Variants in ITSN1 observed in about 807,000 individuals in gnomAD.
The protein encoded by ITSN1 is intersectin-1.
A neutral mutation model predicts 239.8 loss-of-function variants in ITSN1; 58 were observed. The observed-to-expected ratio is 0.24, with a 90% CI of 0.20 to 0.30. The LOEUF (loss-of-function observed/expected upper bound fraction) is 0.30, where lower values mean the gene tolerates loss of function less well. Among genes scored for constraint, ITSN1 ranks in the 10% least tolerant of loss-of-function variants. The pLI is 1.00. For missense variants in ITSN1, 1,558 were observed against 2,103.3 expected (o/e 0.74, Z 5.07); for synonymous variants, 780 against 770.8 (o/e 1.01, Z -0.20).
intron 14 of ITSN1, among the ~76,000 whole-genome samples, chr21:33,778,928 C>G (rs1382702442): frequency 1.3e-5 from 2 of 152,096 alleles, no homozygotes; most frequent in Non-Finnish European, 2.9e-5. Context: ...AGTGATGTCT[C>G]TTCTTTCTTT....
At chr21:33,724,058 G>T (rs1195905395) in intron 4 of ITSN1, among the ~76,000 whole-genome samples, 3 of 151,742 alleles carry the variant, frequency 2.0e-5, no homozygotes, top group Non-Finnish European at 4.4e-5. Context: ...TAACTGTCCT[G>T]AAATAGCAAA....
rs1986968919 is a variant in ITSN1, at chr21:33,899,378, G to GC, written c.*11082dup. ...CCTGCCCAGGGGTAGGACCAGGCCC[G>GC]CCCCTTGATGGATGTGCTGTTGATT... On this transcript the variant is annotated 3_prime_UTR_variant, in exon 40 of 40. Transcript: ENST00000381318. 1 of 152,200 alleles carries GC rather than the reference G, an allele frequency of 6.6e-6. No individual in the cohort carries two copies. The highest frequency in any genetic ancestry group is 2.1e-4 in the South Asian group (1 of 4,830). 9.4% of individuals were successfully genotyped at this position (152,200 alleles called of 1,614,324 possible). A position where few individuals can be genotyped will look rare whatever the true frequency, so the allele number is the denominator to read the frequency against.
intron 1 of ITSN1, among the ~76,000 whole-genome samples, chr21:33,659,447 A>G (rs1463351721): frequency 1.3e-5 from 2 of 152,136 alleles, no homozygotes; most frequent in African/African-American, 2.4e-5. Flanking sequence ...CTGGCATCTG[A>G]AGTGGGGAAG....
intron 34 of ITSN1, among the ~76,000 whole-genome samples, chr21:33,879,038 C>T (rs757285553): frequency 2.0e-4 from 31 of 152,036 alleles, no homozygotes; most frequent in Non-Finnish European, 3.5e-4. Context: ...TGCTTGACTG[C>T]GTGTTGCAGG....
chr21:33,699,145 T>C (rs189632800), intron 1 of ITSN1, among the ~76,000 whole-genome samples: 1 of 152,256 alleles, frequency 6.6e-6, no homozygotes, highest in East Asian at 1.9e-4. Context: ...ATTTAAAATA[T>C]ACACATTTTT....
At chr21:33,787,600 C>G (rs186079078) in intron 16 of ITSN1, among the ~76,000 whole-genome samples, 11 of 152,064 alleles carry the variant, frequency 7.2e-5, no homozygotes, top group Admixed American at 5.2e-4. Context: ...GAGGCTCATT[C>G]ATTATGAAGG....
chr21:33,682,501 C>T (rs2091021665), intron 1 of ITSN1, among the ~76,000 whole-genome samples: 1 of 152,030 alleles, frequency 6.6e-6, no homozygotes, highest in African/African-American at 2.4e-5. Flanking sequence ...AGGCATGAGC[C>T]ACATAGTGCC....
At chr21:33,810,944 G>A (rs1294386065) in intron 20 of ITSN1, 31 bp from the exon 21 acceptor site, 2 of 1,613,970 alleles carry the variant, frequency 1.2e-6, no homozygotes, top group Non-Finnish European at 8.5e-7. Context: ...GGTTAATTTA[G>A]TTCTACTTAA....
intron 5 of ITSN1, among the ~76,000 whole-genome samples, chr21:33,744,689 A>G (rs1004602134): frequency 6.6e-6 from 1 of 152,352 alleles, no homozygotes; most frequent in South Asian, 2.1e-4. Flanking sequence ...TTATCAAAGC[A>G]TAGTAGGAGG....
At chr21:33,771,914 T>C (rs2069193900) in intron 11 of ITSN1, 147 bp from the exon 12 acceptor site, 5 of 805,966 alleles carry the variant, frequency 6.2e-6, no homozygotes, top group Non-Finnish European at 7.8e-6. Flanking sequence ...GGGGTTTTCG[T>C]TGTGCTCATT....
At chr21:33,697,434 C>T (rs2146755925) in intron 1 of ITSN1, among the ~76,000 whole-genome samples, 1 of 152,032 alleles carries the variant, frequency 6.6e-6, no homozygotes, top group East Asian at 1.9e-4. Context: ...CAGATGACAA[C>T]ATTTTGTTTT....
At chr21:33,651,781 T>TC (rs1231897702) in intron 1 of ITSN1, among the ~76,000 whole-genome samples, 2 of 152,216 alleles carry the variant, frequency 1.3e-5, no homozygotes, top group African/African-American at 4.8e-5. Flanking sequence ...AATGCTGCTG[T>TC]TGTCTGTCCA....
intron 28 of ITSN1, among the ~76,000 whole-genome samples, chr21:33,835,932 A>G (rs989998392): frequency 3.3e-5 from 5 of 152,354 alleles, no homozygotes; most frequent in African/African-American, 1.2e-4. Context: ...CTCTGTCTCA[A>G]ATAAATAAAT....
At chr21:33,881,857 G>A (rs546967975) in intron 34 of ITSN1, among the ~76,000 whole-genome samples, 2 of 148,316 alleles carry the variant, frequency 1.3e-5, no homozygotes, top group African/African-American at 5.0e-5. Flanking sequence ...TGAGATGGGA[G>A]AATTGCTTGA....
rs73199893 is a variant in ITSN1 at position 33,822,649 on chromosome 21, C to A, written c.3017-838C>A. ...TACATCTAATTAAAAAGGAAAGTTTCTTCTGTAATGCACACCCTTCAAATT... is the reference window on the plus strand; with the variant it reads ...TACATCTAATTAAAAAGGAAAGTTTATTCTGTAATGCACACCCTTCAAATT... On this transcript the variant is annotated intron_variant, in intron 24 of 39. Coordinates refer to ENST00000381318, the MANE Select transcript of ITSN1 (RefSeq NM_003024.3). Among the ~76,000 whole-genome samples, 489 of 152,262 alleles carry A rather than the reference C, an allele frequency of 3.2e-3. 3 individuals are homozygous for A. The highest frequency in any genetic ancestry group is 3.4e-3 in the Middle Eastern group (1 of 294).
At chr21:33,875,669 T>A (rs1250338882) in intron 34 of ITSN1, 148 bp downstream of exon 34, 1 of 703,982 alleles carries the variant, frequency 1.4e-6, no homozygotes, top group East Asian at 2.7e-5. Context: ...TGCTGTTTCA[T>A]CCACCCACTG....
chr21:33,805,740 C>T (rs1411154996), intron 20 of ITSN1, among the ~76,000 whole-genome samples: 1 of 151,534 alleles, frequency 6.6e-6, no homozygotes, highest in Admixed American at 6.6e-5. Flanking sequence ...GGCGCGATCT[C>T]GGTTCCCTGC....
intron 31 of ITSN1, among the ~76,000 whole-genome samples, chr21:33,862,276 C>T (rs2834283): frequency 0.25 from 36,904 of 149,566 alleles, 5,473 homozygotes; most frequent in East Asian, 0.44. Context: ...CCTGTCCCCT[C>T]GATGGAAAAA....
chr21:33,813,905 C>G lies in ITSN1; in HGVS notation c.2568-8C>G, dbSNP rs2148218024. The G allele has an allele frequency of 6.2e-7, 1 of 1,607,806 alleles. No individual in the cohort carries two copies. Among genetic ancestry groups the G allele is most frequent in the South Asian group, 1.1e-5 (1 of 90,730 alleles). ...TTGTTATTCATGGTGTTGTGCTTTTCCCTCCAGGTGGCCCACCAGCACGAA... is the reference window on the plus strand; with the variant it reads ...TTGTTATTCATGGTGTTGTGCTTTTGCCTCCAGGTGGCCCACCAGCACGAA... On this transcript the variant is annotated splice_polypyrimidine_tract_variant and splice_region_variant and intron_variant, in intron 21 of 39. Transcript: ENST00000381318.
Sources: allele counts gnomAD v4.1 joint callset (sites outside exome capture counted in the v4.1 genomes callset), GRCh38; gene constraint gnomAD v4.1.1; transcripts MANE v1.5; gene names NCBI Gene and HGNC (gene_info 2026-07-23, HGNC 2026-07-21).